Variants in PDE11A observed in about 807,000 individuals in gnomAD.
The protein encoded by PDE11A is dual 3',5'-cyclic-AMP and -GMP phosphodiesterase 11A.
PDE11A carries 100 observed loss-of-function variants against 100.5 expected under a neutral mutation model. The observed-to-expected ratio is 1.00, with a 90% CI of 0.85 to 1.18. The LOEUF is 1.18. Among genes scored for constraint, PDE11A ranks in the 50% most tolerant of loss-of-function variants. The pLI is 0.00. For synonymous variants in PDE11A, 381 were observed against 420.8 expected (o/e 0.91, Z 1.16); for missense variants, 1,141 against 1,152.6 (o/e 0.99, Z 0.15).
At chr2:177,684,715 T>C (rs1210889098) in intron 15 of PDE11A, among the ~76,000 whole-genome samples, 1 of 152,210 alleles carries the variant, frequency 6.6e-6, no homozygotes, top group African/African-American at 2.4e-5. Flanking sequence ...AAGGAAATGA[T>C]TTATGTAAAA....
At chr2:177,920,746 T>C (rs912739788) in intron 2 of PDE11A, among the ~76,000 whole-genome samples, 1 of 152,104 alleles carries the variant, frequency 6.6e-6, no homozygotes, top group African/African-American at 2.4e-5. Context: ...GTAAATTATA[T>C]AAGTATATTT....
At chr2:177,705,079 A>T (rs1403390651) in intron 13 of PDE11A, among the ~76,000 whole-genome samples, 1 of 152,126 alleles carries the variant, frequency 6.6e-6, no homozygotes, top group African/African-American at 2.4e-5. Context: ...TGACCTTGTG[A>T]TCTGCCCGCC....
intron 1 of PDE11A, among the ~76,000 whole-genome samples, chr2:178,048,991 T>C (rs2086787634): frequency 6.6e-6 from 1 of 152,154 alleles, no homozygotes; most frequent in African/African-American, 2.4e-5. Context: ...AGGACCTAAC[T>C]TCTCAGTGCT....
chr2:178,050,037 G>A (rs144528423), intron 1 of PDE11A, among the ~76,000 whole-genome samples: 2,517 of 152,266 alleles, frequency 0.017, 54 homozygotes, highest in African/African-American at 0.055. Flanking sequence ...ATCTGGGAAC[G>A]GACAGACTGC....
intron 9 of PDE11A, among the ~76,000 whole-genome samples, chr2:177,802,531 A>T (rs1266791240): frequency 6.6e-6 from 1 of 152,076 alleles, no homozygotes; most frequent in East Asian, 1.9e-4. Flanking sequence ...TAAAAACATC[A>T]AAGTTATATA....
intron 2 of PDE11A, chr2:177,953,260 ACAGAGCTT>A (rs1444974685): frequency 6.6e-6 from 1 of 152,208 alleles, no homozygotes; most frequent in African/African-American, 2.4e-5. Flanking sequence ...CAACTTTATC[ACAGAGCTT>A]CCTGGTGAGG....
At chr2:177,747,624 C>T (rs1363418457) in intron 10 of PDE11A, among the ~76,000 whole-genome samples, 2 of 152,238 alleles carry the variant, frequency 1.3e-5, no homozygotes, top group South Asian at 2.1e-4. Flanking sequence ...TTTCACCTTT[C>T]TCCTTTCCTC....
chr2:178,032,222 T>C (rs2086557573), intron 1 of PDE11A, among the ~76,000 whole-genome samples: 1 of 152,170 alleles, frequency 6.6e-6, no homozygotes, highest in African/African-American at 2.4e-5. Context: ...TTTATAAAAA[T>C]TTCCAAAGAC....
chr2:177,888,528 A>C (rs1283359842), intron 4 of PDE11A: 1 of 156,728 alleles, frequency 6.4e-6, no homozygotes, highest in Non-Finnish European at 1.4e-5. Flanking sequence ...AAGGTAGATA[A>C]AGATTTTTAT....
chr2:178,068,253 A>T (rs184024774), intron 1 of PDE11A, among the ~76,000 whole-genome samples: 28 of 151,136 alleles, frequency 1.9e-4, no homozygotes, highest in Non-Finnish European at 3.7e-4. Flanking sequence ...TCCATTTACG[A>T]TTTATTTTTT....
intron 19 of PDE11A, among the ~76,000 whole-genome samples, chr2:177,653,206 G>T (rs1044857861): frequency 1.3e-5 from 2 of 152,158 alleles, no homozygotes; most frequent in African/African-American, 4.8e-5. Context: ...GGCACTCCAG[G>T]TGCAGAGTCG....
chr2:178,107,787 T>C (rs2087639133), intron 1 of PDE11A, among the ~76,000 whole-genome samples: 2 of 149,664 alleles, frequency 1.3e-5, no homozygotes, highest in African/African-American at 2.5e-5. Context: ...CGTGGTGTGA[T>C]CTCGGCTCAC....
intron 12 of PDE11A, among the ~76,000 whole-genome samples, chr2:177,716,041 T>C (rs1220734201): frequency 6.6e-6 from 1 of 152,236 alleles, no homozygotes; most frequent in Admixed American, 6.5e-5. Context: ...CTGGGAATGG[T>C]GTAAACACGT....
intron 6 of PDE11A, among the ~76,000 whole-genome samples, chr2:177,822,867 T>G (rs576417883): frequency 6.6e-6 from 1 of 152,248 alleles, no homozygotes; most frequent in East Asian, 1.9e-4. Flanking sequence ...AGTATTTTAT[T>G]TTCTAATGCT....
rs147927130 is a variant in PDE11A, at chr2:177,865,410, C to T, written c.1367+10449G>A. Reference sequence around the variant, plus strand: ...ATGGAACCCTCATTCTTTGCTGGTGCGAATGTAAAATGGTATAGCTACTGT... The same window carrying T: ...ATGGAACCCTCATTCTTTGCTGGTGTGAATGTAAAATGGTATAGCTACTGT... On this transcript the variant is annotated intron_variant, in intron 5 of 19. Transcript: ENST00000286063. Among the ~76,000 whole-genome samples the T allele has an allele frequency of 7.3e-3, 1,112 of 152,184 alleles. 13 individuals are homozygous for T. Among genetic ancestry groups the T allele is most frequent in the African/African-American group, 0.025 (1,031 of 41,542 alleles).
intron 9 of PDE11A, among the ~76,000 whole-genome samples, chr2:177,807,095 A>C (rs1261229453): frequency 6.6e-6 from 1 of 152,210 alleles, no homozygotes; most frequent in Non-Finnish European, 1.5e-5. Flanking sequence ...AGAAACATAA[A>C]GTAAAACACA....
chr2:178,009,501 C>T (rs572955087), intron 2 of PDE11A, among the ~76,000 whole-genome samples: 4 of 152,186 alleles, frequency 2.6e-5, no homozygotes, highest in Non-Finnish European at 5.9e-5. Context: ...TGCTAATTAT[C>T]CAAGAACTTT....
intron 7 of PDE11A, among the ~76,000 whole-genome samples, chr2:177,819,868 T>TCTCTCTCTCTCTCTCTCTCTCTCTC (rs60332687): frequency 7.2e-6 from 1 of 139,098 alleles, no homozygotes; most frequent in African/African-American, 2.8e-5. Context: ...CTTTCTCTCT[T>TCTCTCTCTCTCTCTCTCTCTCTCTC]TCTCTCTCTC....
chr2:177,705,403 G>T (rs1366309285), intron 13 of PDE11A, among the ~76,000 whole-genome samples: 1 of 152,170 alleles, frequency 6.6e-6, no homozygotes, highest in African/African-American at 2.4e-5. Flanking sequence ...AGGAAGAGAA[G>T]AGAATCCAAA....
Sources: allele counts gnomAD v4.1 joint callset (sites outside exome capture counted in the v4.1 genomes callset), GRCh38; gene constraint gnomAD v4.1.1; transcripts MANE v1.5; gene names NCBI Gene and HGNC (gene_info 2026-07-23, HGNC 2026-07-21).